Variants in RELT observed in about 807,000 individuals in gnomAD.
RELT encodes the protein tumor necrosis factor receptor superfamily member 19L.
Under a neutral mutation model 51.1 loss-of-function variants are expected in RELT, and 37 were observed. That is an observed-to-expected ratio of 0.72 (90% CI 0.56 to 0.95). RELT has a LOEUF of 0.95. Ranked by LOEUF, RELT falls within the 40% of genes least tolerant of loss-of-function variation. RELT has a pLI of 0.00. For synonymous variants in RELT, 241 were observed against 235.7 expected (o/e 1.02, Z -0.21); for missense variants, 535 against 572.6 (o/e 0.93, Z 0.67).
Position 73,393,893 on chromosome 11 carries a change from G to T in RELT, c.682G>T (p.Val228Leu). ...DANEDTIGVL[V>L]RLITEKKENA... ...CAATGAGGACACCATTGGGGTCCTG[G>T]TGCGCTTGATCACAGAGAAGAAAGG... The change falls in exon 7 of 11, where the codon GTG becomes TTG. Residue 228 changes from valine to leucine, a missense_variant. Transcript: ENST00000064780. 1 of 1,614,002 alleles carries T rather than the reference G, an allele frequency of 6.2e-7. No homozygotes were observed. The highest frequency in any genetic ancestry group is 8.5e-7 in the Non-Finnish European group (1 of 1,179,920).
At chr11:73,392,655 A>G in intron 6 of RELT, 187 bp downstream of exon 6, 1 of 1,420,038 alleles carries the variant, frequency 7.0e-7, no homozygotes, top group Non-Finnish European at 9.3e-7. Context: ...CCGTGGGGGC[A>G]GAGCAGAGGT....
At chr11:73,390,679 G>C in intron 3 of RELT, 54 bp downstream of exon 3, 1 of 1,608,838 alleles carries the variant, frequency 6.2e-7, no homozygotes, top group Non-Finnish European at 8.5e-7. Flanking sequence ...AGGGCCAGGG[G>C]CAGAGTCCTG....
intron 5 of RELT, among the ~76,000 whole-genome samples, chr11:73,391,773 G>C (rs1866218423): frequency 6.6e-6 from 1 of 152,022 alleles, no homozygotes; most frequent in Admixed American, 6.6e-5. Flanking sequence ...GTGAGACCCT[G>C]CCTAAAAAAA....
At chr11:73,391,653 G>C (rs890333255) in intron 5 of RELT, among the ~76,000 whole-genome samples, 1 of 152,096 alleles carries the variant, frequency 6.6e-6, no homozygotes, top group Admixed American at 6.5e-5. Context: ...AAAATTAGCC[G>C]GGCGTGGTGG....
chr11:73,386,081 T>G (rs1866118874), intron 1 of RELT, among the ~76,000 whole-genome samples: 1 of 152,236 alleles, frequency 6.6e-6, no homozygotes, highest in African/African-American at 2.4e-5. Context: ...GCCAGCAAGA[T>G]GAACGTCCCC....
In RELT at chr11:73,394,356, C is replaced by T; in HGVS notation, c.788+39C>T. 6.2e-7 allele frequency: 1 copy of T among 1,610,958 alleles called. No homozygotes were observed. Among genetic ancestry groups the T allele is most frequent in the African/African-American group, 1.3e-5 (1 of 74,964 alleles). On this transcript the variant is annotated intron_variant, in intron 8 of 10. Coordinates refer to ENST00000064780, the MANE Select transcript of RELT (RefSeq NM_152222.2). This position sits in a 1 kb window ranked among gnomAD's most constrained non-coding sequence, Gnocchi z 4.9. The stretch of plus-strand genomic sequence containing the variant: ...TGGGAGATAACGGGGCCAAAACCTA[C>T]ATTAACCAGCCTGCCTCCTGGGGAT...
chr11:73,381,765 G>T (rs968571127), intron 1 of RELT, among the ~76,000 whole-genome samples: 14 of 152,184 alleles, frequency 9.2e-5, no homozygotes, highest in Admixed American at 6.5e-4. Flanking sequence ...GCCCTGGCTG[G>T]TGTGGGAGCA....
Position 73,392,483 on chromosome 11 carries a change from G to C in RELT, c.625+15G>C, listed in dbSNP as rs1866234655. 1.2e-6 allele frequency: 2 copies of C among 1,606,990 alleles called. No individual in the cohort carries two copies. Among genetic ancestry groups the C allele is most frequent in the Non-Finnish European group, 1.7e-6 (2 of 1,178,238 alleles). On this transcript the variant is annotated intron_variant, in intron 6 of 10. Coordinates refer to ENST00000064780, the MANE Select transcript of RELT (RefSeq NM_152222.2). ...TGGAGGCAGTGGTGAGGCCCAGCTG[G>C]GGTCCAGGTGGGAAGGACGGGGGCA...
At chr11:73,392,182 G>C in intron 5 of RELT, 29 bp from the exon 6 acceptor site, 1 of 1,606,056 alleles carries the variant, frequency 6.2e-7, no homozygotes, top group Non-Finnish European at 8.5e-7. Context: ...CTCTGCTTTT[G>C]TCCTGCCTCC....
At chr11:73,395,023 G>T in intron 9 of RELT, 64 bp from the exon 10 acceptor site, 1 of 1,412,438 alleles carries the variant, frequency 7.1e-7, no homozygotes, top group Admixed American at 1.7e-5. Flanking sequence ...CCCCGGGCAC[G>T]TGCTGCCTTC....
At position 73,394,718 on chromosome 11, in the gene RELT, A is replaced by G. The variant is rs111294854; in HGVS notation, c.1030A>G (p.Ile344Val). The stretch of plus-strand genomic sequence containing the variant: ...GGCAGGGCGTCAGGGCGAGATCACC[A>G]TCTTGTCTGTGGGCAGGTGAGATGG... ...AKAGRQGEITILSVGRFRVAR... is the reference protein window; with the variant it reads ...AKAGRQGEITVLSVGRFRVAR... The change falls in exon 9 of 11, where the codon ATC becomes GTC. Residue 344 changes from isoleucine to valine, a missense_variant. Ile to Val is a conservative substitution (Grantham distance 29). Coordinates refer to ENST00000064780, the MANE Select transcript of RELT (RefSeq NM_152222.2). This position sits in a 1 kb window ranked among gnomAD's most constrained non-coding sequence, Gnocchi z 4.9. The G allele has an allele frequency of 1.9e-5, 31 of 1,610,064 alleles. No individual in the cohort carries two copies. The highest frequency in any genetic ancestry group is 1.2e-4 in the African/African-American group (9 of 74,926).
rs1225099690 is a variant in RELT, at chr11:73,395,083, A to C, written c.1047-4A>C. 1.2e-6 allele frequency: 2 copies of C among 1,611,932 alleles called. No homozygotes were observed. Among genetic ancestry groups the C allele is most frequent in the Non-Finnish European group, 1.7e-6 (2 of 1,179,066 alleles). ...CGGGGATGATTGCCCCACTCTCCTCACAGGTTCCGCGTGGCTCGAATTCCT... is the reference window on the plus strand; with the variant it reads ...CGGGGATGATTGCCCCACTCTCCTCCCAGGTTCCGCGTGGCTCGAATTCCT... On this transcript the variant is annotated splice_region_variant and splice_polypyrimidine_tract_variant and intron_variant, in intron 9 of 10. Transcript: ENST00000064780.
At chr11:73,392,962 C>T (rs1866243068) in intron 6 of RELT, 5 of 1,001,908 alleles carry the variant, frequency 5.0e-6, no homozygotes, top group Admixed American at 5.4e-5. Flanking sequence ...CAGGCATGCG[C>T]CACCACCTTC....
At chr11:73,391,561 T>C (rs1161407297) in intron 5 of RELT, among the ~76,000 whole-genome samples, 1 of 152,116 alleles carries the variant, frequency 6.6e-6, no homozygotes, top group Non-Finnish European at 1.5e-5. Flanking sequence ...ATCTCAGCAC[T>C]TTGGGAGGCC....
At chr11:73,390,648 G>A (rs746944811) in intron 3 of RELT, 23 bp downstream of exon 3, 4 of 1,612,814 alleles carry the variant, frequency 2.5e-6, no homozygotes, top group Non-Finnish European at 3.4e-6. Context: ...CTGCTCTCCT[G>A]CCTGTCCTGG....
chr11:73,389,534 TAGCACCTC>T (rs1285196979), intron 2 of RELT, among the ~76,000 whole-genome samples: 1 of 152,212 alleles, frequency 6.6e-6, no homozygotes, highest in East Asian at 1.9e-4. Flanking sequence ...CTGAGAGCCA[TAGCACCTC>T]AGGTGCTGGG....
chr11:73,390,289 C>G (rs1030922022), intron 2 of RELT, among the ~76,000 whole-genome samples: 1 of 152,104 alleles, frequency 6.6e-6, no homozygotes, highest in African/African-American at 2.4e-5. Context: ...CCTGATGTGG[C>G]CTTATCTGGG....
intron 10 of RELT, 31 bp from the exon 11 acceptor site, chr11:73,395,413 T>A: frequency 9.1e-7 from 1 of 1,100,176 alleles, no homozygotes; most frequent in Non-Finnish European, 1.4e-6. Flanking sequence ...AGCCCCTGAC[T>A]CAGCTCTGAC....
At chr11:73,381,378 A>T (rs1160469937) in intron 1 of RELT, among the ~76,000 whole-genome samples, 1 of 152,136 alleles carries the variant, frequency 6.6e-6, no homozygotes, top group African/African-American at 2.4e-5. Context: ...AGGAGCAGTG[A>T]GAGGGGAGGA....
Sources: allele counts gnomAD v4.1 joint callset (sites outside exome capture counted in the v4.1 genomes callset), GRCh38; gene constraint gnomAD v4.1.1; non-coding constraint Gnocchi (gnomAD v3.1); transcripts MANE v1.5; gene names NCBI Gene and HGNC (gene_info 2026-07-23, HGNC 2026-07-21).